Variants in HNRNPL observed in about 807,000 individuals in gnomAD.
HNRNPL encodes epididymis secretory sperm binding protein.
Under a neutral mutation model 64.0 loss-of-function variants are expected in HNRNPL, and 12 were observed. The observed-to-expected ratio is 0.19, with a 90% confidence interval of 0.12 to 0.30. The LOEUF is 0.30. HNRNPL is among the 10% of genes least tolerant of loss of function. The pLI is 1.00. For missense variants in HNRNPL, 484 were observed against 797.4 expected, an observed-to-expected ratio of 0.61 and a Z score of 4.73; for synonymous variants, 385 against 313.0, an observed-to-expected ratio of 1.23 and a Z score of -2.43.
In HNRNPL at chr19:38,839,145, A is replaced by G; in HGVS notation, c.1234-130T>C. 6.8e-6 allele frequency: 8 copies of G among 1,168,306 alleles called. 1 individual carries two copies. The South Asian group carries it at 1.1e-4, about 16-fold the overall frequency. The allele number at this position is 1,168,306 out of a possible 1,614,324, so 72.4% of individuals were successfully genotyped here. ...CCTCACAGTTAATCGGGACCACTAGAAAAACATGCCTGGCCCACACCAAGT... is the reference window on the plus strand; with the variant it reads ...CCTCACAGTTAATCGGGACCACTAGGAAAACATGCCTGGCCCACACCAAGT... On this transcript the variant is annotated intron_variant, in intron 8 of 12. Coordinates refer to ENST00000221419, the MANE Select transcript of HNRNPL (RefSeq NM_001533.3).
In HNRNPL at chr19:38,847,431, TCTC is replaced by T. The variant is rs772852709; in HGVS notation, c.268_270del (p.Glu90del). On this transcript the variant is annotated inframe_deletion and splice_region_variant, in exon 2 of 13. Transcript: ENST00000221419. ...GGGGTTTTGTGCGGGTCATCGTAGT[TCTC>T]CTGAGAAAGGAAGCAAAAACAAGAA... 3 of 1,503,904 alleles carry T rather than the reference TCTC, an allele frequency of 2.0e-6. No homozygotes were observed. 93.2% of individuals were successfully genotyped at this position (1,503,904 alleles called of 1,614,324 possible). A position where few individuals can be genotyped will look rare whatever the true frequency, so the allele number is the denominator to read the frequency against.
chr19:38,849,735 C>T lies in HNRNPL; in HGVS notation c.232G>A (p.Gly78Arg). ...CCGCCGCCCGCCGCCCCGGCTCCTC[C>T]ACCGCCACCGCCGCCGCCTCCGTGC... The part of the protein sequence containing the change: ...DQHGGGGGGG[G>R]GAGAAGGGGG... Residue 78 changes from glycine (G) to arginine (R), a missense_variant, in exon 1 of 13, where the codon GGA (glycine) becomes AGA (arginine). Around this residue, in one of 9 missense-constraint regions of HNRNPL, gnomAD observed 190 missense variants for 160.1 expected, o/e 1.19. Coordinates refer to ENST00000221419, the MANE Select transcript of HNRNPL (RefSeq NM_001533.3). 1 of 1,390,782 alleles carries T rather than the reference C, an allele frequency of 7.2e-7. No individual in the cohort carries two copies. Among genetic ancestry groups the T allele is most frequent in the Non-Finnish European group, 9.3e-7 (1 of 1,075,398 alleles). The allele number at this position is 1,390,782 out of a possible 1,614,324, so 86.2% of individuals were successfully genotyped here.
intron 2 of HNRNPL, 86 bp downstream of exon 2, chr19:38,847,230 A>T: frequency 1.6e-6 from 1 of 617,606 alleles, no homozygotes; most frequent in Non-Finnish European, 2.7e-6. Flanking sequence ...CAACAAAATC[A>T]CTATTTCCAA....
chr19:38,851,316 G>C (rs1006197915), upstream of HNRNPL, among the ~76,000 whole-genome samples: 8 of 152,240 alleles, frequency 5.3e-5, no homozygotes, highest in South Asian at 2.1e-4. Flanking sequence ...GCGGAGCCTG[G>C]GGGGTGGAGA....
rs911771296 is a variant in HNRNPL, at chr19:38,849,703, ACCG to A, written c.261_263del (p.Gly89del). ...GCGCCTAGGGCCCTGGCCTCACCCC[ACCG>A]CCGCCGCCGCCCGCCGCCCCGGCTC... On this transcript the variant is annotated inframe_deletion, in exon 1 of 13. Transcript: ENST00000221419. 88 of 1,355,680 alleles carry A rather than the reference ACCG, an allele frequency of 6.5e-5. No homozygotes were observed. The highest frequency in any genetic ancestry group is 2.8e-4 in the South Asian group (15 of 53,972). 84.0% of individuals were successfully genotyped at this position (1,355,680 alleles called of 1,614,324 possible).
chr19:38,844,140 T>C (rs1227741479), intron 4 of HNRNPL, 36 bp from the exon 5 acceptor site: 3 of 1,402,368 alleles, frequency 2.1e-6, no homozygotes, highest in Non-Finnish European at 3.0e-6. Flanking sequence ...TCACAGGAGA[T>C]CTTTGAGAAG....
chr19:38,845,344 C>G (rs1600063612), intron 4 of HNRNPL: 1 of 309,688 alleles, frequency 3.2e-6, no homozygotes, highest in East Asian at 7.8e-5. Context: ...GCACTCCAGC[C>G]CAGGCAACAA....
At chr19:38,846,376 C>T (rs1972296122) in intron 2 of HNRNPL, among the ~76,000 whole-genome samples, 1 of 152,172 alleles carries the variant, frequency 6.6e-6, no homozygotes, top group South Asian at 2.1e-4. Context: ...GTGCAAATCA[C>T]TCTAGGAGGG....
At chr19:38,847,963 AAC>A (rs1299296155) in intron 1 of HNRNPL, among the ~76,000 whole-genome samples, 1 of 152,158 alleles carries the variant, frequency 6.6e-6, no homozygotes, top group Non-Finnish European at 1.5e-5. Flanking sequence ...GGCAAAAAAC[AAC>A]ACATGCCCCA....
At chr19:38,846,234 T>G (rs1395971743) in intron 2 of HNRNPL, 144 bp from the exon 3 acceptor site, 2 of 705,984 alleles carry the variant, frequency 2.8e-6, no homozygotes, top group East Asian at 5.0e-5. Flanking sequence ...GAACACCCTG[T>G]GCCACAAGTA....
chr19:38,843,643 G>A (rs1270254724), intron 6 of HNRNPL, 199 bp downstream of exon 6: 3 of 592,552 alleles, frequency 5.1e-6, no homozygotes, highest in Admixed American at 3.1e-5. Context: ...GCATCGGAGG[G>A]CCCCAAGCAG....
chr19:38,847,485 G>A (rs862454), intron 1 of HNRNPL, 51 bp from the exon 2 acceptor site: 565,674 of 1,094,694 alleles, frequency 0.52, 152,591 homozygotes, highest in Non-Finnish European at 0.56. Context: ...ACAAGATGAC[G>A]CCCCACTGGC....
intron 12 of HNRNPL, chr19:38,837,062 A>T: frequency 1.8e-6 from 1 of 544,894 alleles, no homozygotes; most frequent in South Asian, 2.4e-5. Flanking sequence ...TACCTGCTGG[A>T]TAGTGTTGCC....
upstream of HNRNPL, among the ~76,000 whole-genome samples, chr19:38,850,600 G>A (rs1227527980): frequency 6.6e-6 from 1 of 152,240 alleles, no homozygotes; most frequent in Non-Finnish European, 1.5e-5. Flanking sequence ...GCGAAGGCGA[G>A]AACGCATGCG....
intron 6 of HNRNPL, 47 bp downstream of exon 6, chr19:38,843,795 T>A (rs1972193312): frequency 6.6e-7 from 1 of 1,508,032 alleles, no homozygotes; most frequent in Non-Finnish European, 9.2e-7. Context: ...ACTAGTCGAG[T>A]GAAAGCAAGG....
At chr19:38,837,935 G>A (rs1022540925) in intron 10 of HNRNPL, among the ~76,000 whole-genome samples, 1 of 152,242 alleles carries the variant, frequency 6.6e-6, no homozygotes, top group African/African-American at 2.4e-5. Context: ...TTTGCTGAAT[G>A]CAAGGTCAAC....
intron 1 of HNRNPL, 83 bp from the exon 2 acceptor site, chr19:38,847,517 G>T: frequency 1.3e-6 from 1 of 740,806 alleles, no homozygotes; most frequent in Non-Finnish European, 2.1e-6. Context: ...TGTAGACCCA[G>T]TCAGATAAAA....
chr19:38,846,583 C>A (rs578034014), intron 2 of HNRNPL, among the ~76,000 whole-genome samples: 1 of 152,244 alleles, frequency 6.6e-6, no homozygotes, highest in African/African-American at 2.4e-5. Flanking sequence ...ACCAGCCTGG[C>A]CAACATGGCA....
intron 3 of HNRNPL, 58 bp from the exon 4 acceptor site, chr19:38,845,793 G>A (rs1166309484): frequency 6.3e-7 from 1 of 1,598,496 alleles, no homozygotes; most frequent in Admixed American, 1.7e-5. Context: ...CTGGCTTGGG[G>A]GAGGGAATAA....
Sources: allele counts gnomAD v4.1 joint callset (sites outside exome capture counted in the v4.1 genomes callset), GRCh38; gene constraint gnomAD v4.1.1; regional missense constraint gnomAD v4.1.1; transcripts MANE v1.5; gene names NCBI Gene and HGNC (gene_info 2026-07-23, HGNC 2026-07-21).